Variants in COX20 observed in about 807,000 individuals in gnomAD.
COX20 encodes the protein cytochrome c oxidase assembly protein COX20, mitochondrial.
A neutral mutation model predicts 14.3 loss-of-function variants in COX20; 14 were observed. The observed-to-expected ratio is 0.98, with a 90% CI of 0.65 to 1.53. The LOEUF (loss-of-function observed/expected upper bound fraction) is 1.53, where lower values mean the gene tolerates loss of function less well. Ranked by LOEUF, COX20 falls within the 40% of genes most tolerant of loss-of-function variation. COX20 has a pLI of 0.00. For missense variants in COX20, 149 were observed against 142.1 expected (o/e 1.05, Z -0.25); for synonymous variants, 56 against 51.7 (o/e 1.08, Z -0.36).
At chr1:244,839,540 T>C (rs1680113465) in intron 1 of COX20, among the ~76,000 whole-genome samples, 1 of 152,202 alleles carries the variant, frequency 6.6e-6, no homozygotes, top group Admixed American at 6.5e-5. Flanking sequence ...AAGGCATGTA[T>C]ATTATGAACA....
At position 244,838,301 on chromosome 1, in the gene COX20, A is replaced by G. The variant is rs1453298850; in HGVS notation, c.42+2545A>G. ...GAGGTTCAAGGTGCTTTTTATACAT[A>G]AAAGTGTCATTCATTAAGCAGATGA... On this transcript the variant is annotated intron_variant, in intron 1 of 3. Coordinates refer to ENST00000411948, the MANE Select transcript of COX20 (RefSeq NM_198076.6). Among the ~76,000 whole-genome samples, 4 of 152,198 alleles carry G rather than the reference A, an allele frequency of 2.6e-5. No individual in the cohort carries two copies. In the East Asian group the frequency reaches 7.7e-4, roughly 29 times the overall value.
Position 244,842,254 on chromosome 1 carries a change from T to C in COX20, c.217T>C (p.Cys73Arg). ...AGGGTTTATCTTGGTGACTTTGGGA[T>C]GCTGGTATGTTTGCTAAGTATTCAA... Reference protein sequence around the residue: ...VGGFILVTLGCWFHCRYNYAK... With the variant: ...VGGFILVTLGRWFHCRYNYAK... The change falls in exon 3 of 4, where the codon TGC becomes CGC. Residue 73 changes from cysteine to arginine, a missense_variant. By Grantham distance (180) the Cys-to-Arg change is radical (BLOSUM62 -3). Coordinates refer to ENST00000411948, the MANE Select transcript of COX20 (RefSeq NM_198076.6). The C allele has an allele frequency of 6.3e-7, 1 of 1,599,702 alleles. No individual in the cohort carries two copies. Among genetic ancestry groups the C allele is most frequent in the Non-Finnish European group, 8.6e-7 (1 of 1,167,016 alleles).
intron 1 of COX20, among the ~76,000 whole-genome samples, chr1:244,838,228 G>A (rs1680060931): frequency 6.6e-6 from 1 of 152,158 alleles, no homozygotes; most frequent in African/African-American, 2.4e-5. Context: ...GTTGAGTAGT[G>A]TGCCATTAAG....
In COX20 at chr1:244,835,771, G is replaced by T; in HGVS notation, c.42+15G>T. Reference sequence around the variant, plus strand: ...AGGAGAGGAAGGTAACCTGGGGGTCGGCGGGGCGCGCGCCGCGGGTGGGCG... The same window carrying T: ...AGGAGAGGAAGGTAACCTGGGGGTCTGCGGGGCGCGCGCCGCGGGTGGGCG... On this transcript the variant is annotated intron_variant, in intron 1 of 3. Coordinates refer to ENST00000411948, the MANE Select transcript of COX20 (RefSeq NM_198076.6). 1 of 1,252,532 alleles carries T rather than the reference G, an allele frequency of 8.0e-7. No homozygotes were observed. The allele number at this position is 1,252,532 out of a possible 1,614,324, so 77.6% of individuals were successfully genotyped here.
At position 244,843,030 on chromosome 1, in the gene COX20, TTTC is replaced by T; in HGVS notation, c.222-6_222-4del. 1 of 1,520,390 alleles carries T rather than the reference TTTC, an allele frequency of 6.6e-7. No individual in the cohort carries two copies. The highest frequency in any genetic ancestry group is 2.4e-5 in the Admixed American group (1 of 41,534). The allele number at this position is 1,520,390 out of a possible 1,614,324, so 94.2% of individuals were successfully genotyped here. A position where few individuals can be genotyped will look rare whatever the true frequency, so the allele number is the denominator to read the frequency against. On this transcript the variant is annotated splice_region_variant and splice_polypyrimidine_tract_variant and intron_variant, in intron 3 of 3. Transcript: ENST00000411948. ...TATATTAACAATTTATTCATATTCT[TTTC>T]TTCTAAGGTTTCATTGTAGGTATAA...
chr1:244,835,508 C>T (rs1679933753), upstream of COX20: 1 of 389,988 alleles, frequency 2.6e-6, no homozygotes, highest in Non-Finnish European at 4.5e-6. Context: ...AAGTGTGACC[C>T]GTTCGACGGA....
At chr1:244,837,116 AAACTT>A (rs1161891474) in intron 1 of COX20, among the ~76,000 whole-genome samples, 5 of 152,184 alleles carry the variant, frequency 3.3e-5, no homozygotes, top group Admixed American at 3.3e-4. Flanking sequence ...TAAAAAAAAA[AAACTT>A]AAAAGAGGAT....
intron 1 of COX20, chr1:244,836,410 TA>T: frequency 7.5e-7 from 1 of 1,338,504 alleles, no homozygotes; most frequent in Non-Finnish European, 1.0e-6. Context: ...ATAGTAAAGC[TA>T]AACCAAGCGC....
intron 1 of COX20, chr1:244,840,393 A>G (rs1437322069): frequency 6.6e-6 from 1 of 152,250 alleles, no homozygotes; most frequent in Admixed American, 6.5e-5. Flanking sequence ...TTGGGGAAAT[A>G]GTCTAGTTTA....
In COX20 at chr1:244,844,184, A is replaced by G. The variant is rs1680332121; in HGVS notation, c.*1008A>G. ...AAGGAAGAAAATATTAGTTATTTTG[A>G]TCTACATCTTTTTCTAAAGAAAAGT... is the stretch of plus-strand genomic sequence containing the variant. On this transcript the variant is annotated 3_prime_UTR_variant, in exon 4 of 4. Coordinates refer to ENST00000411948, the MANE Select transcript of COX20 (RefSeq NM_198076.6). 1 of 152,220 alleles carries G rather than the reference A, an allele frequency of 6.6e-6. No individual in the cohort carries two copies. Among genetic ancestry groups the G allele is most frequent in the Admixed American group, 6.5e-5 (1 of 15,278 alleles). The allele number at this position is 152,220 out of a possible 1,614,324, so 9.4% of individuals were successfully genotyped here. A position where few individuals can be genotyped will look rare whatever the true frequency, so the allele number is the denominator to read the frequency against.
intron 1 of COX20, 66 bp downstream of exon 1, chr1:244,835,822 C>G (rs182656273): frequency 2.6e-6 from 3 of 1,152,696 alleles, no homozygotes; most frequent in Non-Finnish European, 3.3e-6. Context: ...CTCCGCGGAG[C>G]TCCTAGGCCC....
chr1:244,836,335 TCTGC>T, intron 1 of COX20: 1 of 661,912 alleles, frequency 1.5e-6, no homozygotes, highest in Non-Finnish European at 2.7e-6. Flanking sequence ...TTTTCATTCC[TCTGC>T]CTAACATCCA....
intron 3 of COX20, chr1:244,842,732 C>T (rs935384565): frequency 1.2e-5 from 3 of 246,874 alleles, no homozygotes; most frequent in Admixed American, 5.2e-5. Flanking sequence ...ATTATTATCC[C>T]GTTAAAAACG....
chr1:244,836,006 A>G (rs554748229), intron 1 of COX20, among the ~76,000 whole-genome samples: 2 of 152,356 alleles, frequency 1.3e-5, no homozygotes, highest in Admixed American at 1.3e-4. Flanking sequence ...GTCATTATGA[A>G]ATAAGCTAAC....
intron 1 of COX20, among the ~76,000 whole-genome samples, chr1:244,836,726 T>C (rs1473727852): frequency 2.0e-5 from 3 of 152,298 alleles, no homozygotes; most frequent in East Asian, 1.9e-4. Context: ...GCTCCTAATA[T>C]ATACTTAAGA....
chr1:244,842,212 T>C lies in COX20; in HGVS notation c.175T>C (p.Cys59Arg), dbSNP rs139895317. 26 of 1,607,738 alleles carry C rather than the reference T, an allele frequency of 1.6e-5. No individual in the cohort carries two copies. In the African/African-American group the frequency reaches 2.3e-4, roughly 14 times the overall value. The change falls in exon 3 of 4, where the codon TGT becomes CGT. Residue 59 changes from cysteine to arginine, a missense_variant. Coordinates refer to ENST00000411948, the MANE Select transcript of COX20 (RefSeq NM_198076.6). Reference protein sequence around the residue: ...FLFTSRIRRSCDVGVGGFILV... With the variant: ...FLFTSRIRRSRDVGVGGFILV... ...TTTTACAGGTAGAATTAGAAGATCATGTGATGTTGGAGTAGGAGGGTTTAT... is the reference window on the plus strand; with the variant it reads ...TTTTACAGGTAGAATTAGAAGATCACGTGATGTTGGAGTAGGAGGGTTTAT...
chr1:244,841,843 C>T, intron 1 of COX20, 101 bp from the exon 2 acceptor site: 1 of 695,672 alleles, frequency 1.4e-6, no homozygotes. Flanking sequence ...TAGTTTAAAC[C>T]CTCAACTACA....
At chr1:244,836,588 C>T in intron 1 of COX20, 2 of 1,348,184 alleles carry the variant, frequency 1.5e-6, no homozygotes, top group East Asian at 2.5e-5. Context: ...TAATTTATAT[C>T]CTCAGGGCAG....
intron 1 of COX20, 82 bp from the exon 2 acceptor site, chr1:244,841,862 A>C (rs975741306): frequency 1.3e-6 from 1 of 786,842 alleles, no homozygotes; most frequent in African/African-American, 1.7e-5. Context: ...CAAGAAAAGA[A>C]ATGGTGTATT....
Sources: gnomAD v4.1 joint callset for allele counts (sites outside exome capture counted in the v4.1 genomes callset) on GRCh38, gnomAD v4.1.1 for gene constraint, MANE v1.5 for transcripts, NCBI Gene and HGNC (gene_info 2026-07-23, HGNC 2026-07-21) for gene names.